The following ZBED6 variants were observed in gnomAD, a reference collection of about 807,000 sequenced individuals.
The protein encoded by ZBED6 is zinc finger BED-type containing 6.
ZBED6 carries 40 observed loss-of-function variants against 58.4 expected under a neutral mutation model. That is an observed-to-expected ratio of 0.68 (90% CI 0.53 to 0.89). The LOEUF (loss-of-function observed/expected upper bound fraction) is 0.89, where lower values mean the gene tolerates loss of function less well. ZBED6 is among the 40% of genes least tolerant of loss of function. The pLI is 0.00. For missense variants in ZBED6, 1,057 were observed against 1,003.9 expected (o/e 1.05, Z -0.71); for synonymous variants, 439 against 350.6 (o/e 1.25, Z -2.82).
At chr1:203,833,247 A>G (rs1558127807) in intron 8 of ZBED6, among the ~76,000 whole-genome samples, 2 of 152,000 alleles carry the variant, frequency 1.3e-5, no homozygotes, top group Admixed American at 6.6e-5. Context: ...GCACGCCTGT[A>G]ATCCCAGCTA....
Position 203,819,529 on chromosome 1 carries a change from A to ATTTTTTTTTTTTTTTTTT in ZBED6, c.*2873+845_*2873+862dup, listed in dbSNP as rs755259647. On this transcript the variant is annotated intron_variant, in intron 3 of 16. Coordinates refer to ENST00000550078, the Ensembl canonical transcript of ZBED6. The stretch of plus-strand genomic sequence containing the variant: ...GAGCCACCGTGCCCAGCTGACTCCA[A>ATTTTTTTTTTTTTTTTTT]TTTTTTTTTTTTTTTTTTTTTTGAG... 1.4e-4 allele frequency among the ~76,000 whole-genome samples: 10 copies of ATTTTTTTTTTTTTTTTTT among 72,876 alleles called. No individual in the cohort carries two copies. The East Asian group carries it at 1.8e-3, about 13-fold the overall frequency. The allele number at this position is 72,876 out of a possible 152,430, so 47.8% of individuals were successfully genotyped here. A position where few individuals can be genotyped will look rare whatever the true frequency, so the allele number is the denominator to read the frequency against.
At chr1:203,816,335 G>A (rs1488731032) in intron 1 of ZBED6, among the ~76,000 whole-genome samples, 2 of 152,138 alleles carry the variant, frequency 1.3e-5, no homozygotes, top group African/African-American at 4.8e-5. Flanking sequence ...TATGTATAAT[G>A]TAGATCAGGC....
intron 1 of ZBED6, among the ~76,000 whole-genome samples, chr1:203,812,567 A>G (rs892989653): frequency 1.4e-5 from 2 of 142,254 alleles, no homozygotes; most frequent in African/African-American, 5.2e-5. Flanking sequence ...TTTGGATTTT[A>G]GCCATTCTAA....
At chr1:203,849,096 A>G (rs1688665633) in intron 13 of ZBED6, among the ~76,000 whole-genome samples, 1 of 152,182 alleles carries the variant, frequency 6.6e-6, no homozygotes, top group Non-Finnish European at 1.5e-5. Context: ...TGTTGTCCAG[A>G]GTGGTCTCGA....
chr1:203,845,284 G>A (rs1687579748), intron 11 of ZBED6, among the ~76,000 whole-genome samples: 1 of 152,008 alleles, frequency 6.6e-6, no homozygotes, highest in South Asian at 2.1e-4. Context: ...GGTAGGGGAG[G>A]GAAACAGGGC....
At chr1:203,834,479 C>T (rs1683551740) in intron 9 of ZBED6, among the ~76,000 whole-genome samples, 1 of 151,956 alleles carries the variant, frequency 6.6e-6, no homozygotes, top group South Asian at 2.1e-4. Flanking sequence ...ACCATGTTGC[C>T]CAGGCTGGTC....
chr1:203,802,820 C>T (rs1670961522), exon 1 of ZBED6: 1 of 152,022 alleles, frequency 6.6e-6, no homozygotes, highest in Non-Finnish European at 1.5e-5. Context: ...CTTAATCTCC[C>T]AGTAGTTGGG....
chr1:203,819,551 T>TTTTTTTTTTA (rs1677741962), intron 3 of ZBED6, among the ~76,000 whole-genome samples: 1 of 83,014 alleles, frequency 1.2e-5, no homozygotes, highest in African/African-American at 4.9e-5. Context: ...TTTTTTTTTT[T>TTTTTTTTTTA]GAGACAGAGT....
intron 11 of ZBED6, among the ~76,000 whole-genome samples, chr1:203,843,512 T>C (rs985984813): frequency 2.0e-5 from 3 of 152,200 alleles, no homozygotes; most frequent in African/African-American, 7.2e-5. Flanking sequence ...AGACAAGGAA[T>C]TGACAATTTT....
chr1:203,839,507 A>G (rs1453213691), intron 10 of ZBED6, among the ~76,000 whole-genome samples: 1 of 152,106 alleles, frequency 6.6e-6, no homozygotes, highest in Admixed American at 6.5e-5. Context: ...GAAATAAGAA[A>G]CTTCTTTTAA....
rs1669964050 is a variant in ZBED6, at chr1:203,799,799, T to TA, written c.2280dup (p.Ser761IlefsTer15). The TA allele has an allele frequency of 7.6e-7, 1 of 1,310,052 alleles. No individual in the cohort carries two copies. Among genetic ancestry groups the TA allele is most frequent in the Admixed American group, 2.0e-5 (1 of 50,732 alleles). 81.2% of individuals were successfully genotyped at this position (1,310,052 alleles called of 1,614,324 possible). ...CAGATACCCTACTAAGTGCCATGCTTAAATCCAAGCCCTGTATCTTGGCTA... is the reference window on the plus strand; with the variant it reads ...CAGATACCCTACTAAGTGCCATGCTTAAAATCCAAGCCCTGTATCTTGGCTA... On this transcript the variant is annotated frameshift_variant, in exon 1 of 17. Transcript: ENST00000550078. LOFTEE classifies it high-confidence loss of function.
At chr1:203,828,220 T>C in intron 3 of ZBED6, 79 bp from the exon 4 acceptor site, 3 of 1,565,994 alleles carry the variant, frequency 1.9e-6, no homozygotes, top group Non-Finnish European at 2.6e-6. Context: ...CTGTATGAAC[T>C]TTGTCTAGAA....
At chr1:203,829,679 T>A (rs751371253) in intron 5 of ZBED6, 25 bp downstream of exon 5, 2 of 1,613,914 alleles carry the variant, frequency 1.2e-6, no homozygotes, top group East Asian at 4.5e-5. Flanking sequence ...GCTCCTTCTT[T>A]AAGGCAAATA....
intron 11 of ZBED6, among the ~76,000 whole-genome samples, chr1:203,843,468 A>C (rs991620637): frequency 6.6e-6 from 1 of 152,130 alleles, no homozygotes; most frequent in Non-Finnish European, 1.5e-5. Context: ...GTTTTTGGCT[A>C]ACCTTCTGTG....
At chr1:203,804,625 T>G (rs987935274) in intron 1 of ZBED6, among the ~76,000 whole-genome samples, 2 of 152,082 alleles carry the variant, frequency 1.3e-5, no homozygotes, top group African/African-American at 4.8e-5. Context: ...TTTTCTAGTT[T>G]GCAAGCATGT....
chr1:203,848,424 T>C lies in ZBED6; in HGVS notation c.*4322+17T>C. Reference sequence around the variant, plus strand: ...GCTAAAGAGGTAAATTTAAGATTATTGTATGGTTTTGTTCATGGCAAACAA... The same window carrying C: ...GCTAAAGAGGTAAATTTAAGATTATCGTATGGTTTTGTTCATGGCAAACAA... On this transcript the variant is annotated intron_variant, in intron 13 of 16. Coordinates refer to ENST00000550078, the Ensembl canonical transcript of ZBED6. 6.3e-7 allele frequency: 1 copy of C among 1,589,486 alleles called. No individual in the cohort carries two copies. The highest frequency in any genetic ancestry group is 2.2e-5 in the East Asian group (1 of 44,478).
chr1:203,804,845 G>A (rs564269367), intron 1 of ZBED6, among the ~76,000 whole-genome samples: 1 of 151,190 alleles, frequency 6.6e-6, no homozygotes, highest in Admixed American at 6.6e-5. Context: ...GCTGATTTTT[G>A]TATTTTTAGT....
chr1:203,824,402 AAGG>A (rs1237316869), intron 3 of ZBED6, among the ~76,000 whole-genome samples: 9 of 152,192 alleles, frequency 5.9e-5, no homozygotes, highest in Admixed American at 5.9e-4. Context: ...CAGGGATGAG[AAGG>A]AGTCTTTTTA....
chr1:203,827,742 A>G (rs1018331639), intron 3 of ZBED6, among the ~76,000 whole-genome samples: 2 of 152,034 alleles, frequency 1.3e-5, no homozygotes, highest in Admixed American at 6.6e-5. Flanking sequence ...GTGTGTTGTT[A>G]TAGGTGCCTT....
Sources: gnomAD v4.1 joint callset for allele counts (sites outside exome capture counted in the v4.1 genomes callset) on GRCh38, gnomAD v4.1.1 for gene constraint, MANE v1.5 for transcripts, NCBI Gene and HGNC (gene_info 2026-07-23, HGNC 2026-07-21) for gene names.